KDM6A: variants seen among roughly 807,000 people sequenced by gnomAD.
KDM6A encodes lysine-specific demethylase 6A.
KDM6A carries 11 observed loss-of-function variants against 117.6 expected under a neutral mutation model. The ratio of observed to expected loss-of-function variants is 0.09; its 90% CI spans 0.06 to 0.15. The LOEUF is 0.15. Ranked by LOEUF, KDM6A falls within the 10% of genes least tolerant of loss-of-function variation. KDM6A has a pLI of 1.00. For missense variants in KDM6A, 799 were observed against 1,077.3 expected, an observed-to-expected ratio of 0.74 and a Z score of 3.62; for synonymous variants, 384 against 396.1, an observed-to-expected ratio of 0.97 and a Z score of 0.36.
intron 5 of KDM6A, among the ~76,000 whole-genome samples, chrX:45,016,451 T>TTTTA (rs753985732): frequency 1.1e-4 from 10 of 90,409 alleles, no homozygotes; most frequent in Admixed American, 8.7e-4. Context: ...ATTGATTTTA[T>TTTTA]TTTATGTATG....
At chrX:44,897,103 T>C (rs1443289207) in intron 2 of KDM6A, among the ~76,000 whole-genome samples, 1 of 109,078 alleles carries the variant, frequency 9.2e-6, no homozygotes, top group East Asian at 2.8e-4. Context: ...TCTTAGCTTT[T>C]TCGATTTTTG....
chrX:45,101,966 G>A (rs953347495), intron 27 of KDM6A, among the ~76,000 whole-genome samples: 49 of 111,170 alleles, frequency 4.4e-4, no homozygotes, highest in African/African-American at 1.6e-3. Context: ...AGGCACAGAG[G>A]TGTGCAGCTG....
intron 10 of KDM6A, among the ~76,000 whole-genome samples, chrX:45,056,035 T>G (rs918614620): frequency 9.0e-6 from 1 of 111,319 alleles, no homozygotes; most frequent in Non-Finnish European, 1.9e-5. Context: ...GTTAACTAAT[T>G]TTACATTGTA....
chrX:45,062,776 T>A, intron 16 of KDM6A, 28 bp downstream of exon 16: 3 of 975,727 alleles, frequency 3.1e-6, no homozygotes, highest in Non-Finnish European at 4.4e-6. Context: ...TTCCCTGAAA[T>A]TTGTTAGCAT....
Position 44,985,639 on chromosome X carries a change from A to G in KDM6A, c.384+10924A>G, listed in dbSNP as rs1342735289. 2.7e-5 allele frequency among the ~76,000 whole-genome samples: 3 copies of G among 111,622 alleles called. No individual in the cohort carries two copies. In the East Asian group the frequency reaches 8.4e-4, roughly 31 times the overall value. On this transcript the variant is annotated intron_variant, in intron 4 of 29. Transcript: ENST00000611820. ...CATGAAGTGTTGTTGAATTTTGTCA[A>G]AGGCCTTTTCTGCATCTATTGAGAT...
intron 6 of KDM6A, among the ~76,000 whole-genome samples, chrX:45,032,976 A>G (rs2042661701): frequency 8.9e-6 from 1 of 112,357 alleles, no homozygotes; most frequent in Non-Finnish European, 1.9e-5. Flanking sequence ...TTTGAATTCT[A>G]CATCTCTATT....
chrX:44,951,397 A>C (rs1371136680), intron 2 of KDM6A, among the ~76,000 whole-genome samples: 1 of 111,388 alleles, frequency 9.0e-6, no homozygotes, highest in Non-Finnish European at 1.9e-5. Context: ...CTTAGTCTGA[A>C]CTGGTGTATT....
chrX:45,074,047 TTGTAAAAGA>T lies in KDM6A; in HGVS notation c.2859-2644_2859-2636del, dbSNP rs763579723. Among the ~76,000 whole-genome samples, 78 of 112,317 alleles carry T rather than the reference TTGTAAAAGA, an allele frequency of 6.9e-4. 2 individuals carry two copies. The South Asian group carries it at 0.028, about 40-fold the overall frequency. ...TCTTTAATCCATCTTGAATTAATTT[TTGTAAAAGA>T]TGTAAGGAAGGGATCCCGTTTCAGC... On this transcript the variant is annotated intron_variant, in intron 18 of 29. Coordinates refer to ENST00000611820, the MANE Select transcript of KDM6A (RefSeq NM_001291415.2).
At chrX:44,931,158 G>C (rs781425604) in intron 2 of KDM6A, among the ~76,000 whole-genome samples, 2 of 110,740 alleles carry the variant, frequency 1.8e-5, no homozygotes, top group African/African-American at 6.6e-5. Context: ...TCCGCCTCCC[G>C]GGTTGAAGAG....
intron 2 of KDM6A, among the ~76,000 whole-genome samples, chrX:44,955,191 G>A (rs2038257324): frequency 9.0e-6 from 1 of 111,399 alleles, no homozygotes; most frequent in South Asian, 3.8e-4. Context: ...TGCTTCTCTT[G>A]TGTAAACAGA....
intron 8 of KDM6A, among the ~76,000 whole-genome samples, chrX:45,051,001 T>C (rs779326609): frequency 6.6e-4 from 74 of 111,674 alleles, no homozygotes; most frequent in African/African-American, 2.4e-3. Context: ...TACAGCATTT[T>C]TGACATGTGC....
chrX:45,089,105 T>C (rs1003466201), intron 25 of KDM6A, among the ~76,000 whole-genome samples: 2 of 112,071 alleles, frequency 1.8e-5, no homozygotes, highest in African/African-American at 6.5e-5. Context: ...TTCTAGGTGC[T>C]CCAGGGAGAA....
chrX:44,884,899 T>C (rs1009869234), intron 2 of KDM6A, among the ~76,000 whole-genome samples: 1 of 112,042 alleles, frequency 8.9e-6, no homozygotes, highest in Non-Finnish European at 1.9e-5. Flanking sequence ...ACTGAACATA[T>C]GCAAACTGAA....
At chrX:45,110,303 GT>G (rs1410339855) in intron 29 of KDM6A, 54 bp downstream of exon 29, 1 of 1,045,731 alleles carries the variant, frequency 9.6e-7, no homozygotes, top group African/African-American at 1.8e-5. Context: ...AAGCAGCAGT[GT>G]TTGCTCTGCC....
At chrX:45,053,457 A>G (rs2043945697) in intron 9 of KDM6A, among the ~76,000 whole-genome samples, 1 of 111,930 alleles carries the variant, frequency 8.9e-6, no homozygotes, top group Non-Finnish European at 1.9e-5. Flanking sequence ...CAAAAAACAC[A>G]CATTAATTTA....
chrX:45,090,047 C>G, intron 26 of KDM6A, 117 bp downstream of exon 26: 1 of 540,977 alleles, frequency 1.8e-6, no homozygotes. Context: ...TGACTCCTTG[C>G]ATAGAATTGT....
At chrX:45,089,386 C>T (rs1602983520) in intron 25 of KDM6A, among the ~76,000 whole-genome samples, 1 of 110,069 alleles carries the variant, frequency 9.1e-6, no homozygotes, top group South Asian at 3.9e-4. Context: ...ATTAGCCAGG[C>T]GTGGTGGCAG....
chrX:45,038,125 A>G (rs955074933), intron 8 of KDM6A, among the ~76,000 whole-genome samples: 1 of 111,025 alleles, frequency 9.0e-6, no homozygotes, highest in Non-Finnish European at 1.9e-5. Flanking sequence ...CGGGAGGCTG[A>G]GGCACAAGAA....
At chrX:44,929,563 T>C (rs925018156) in intron 2 of KDM6A, among the ~76,000 whole-genome samples, 9 of 112,020 alleles carry the variant, frequency 8.0e-5, no homozygotes, top group Admixed American at 9.5e-5. Context: ...ATAGGTTGTT[T>C]CCAGTTTTTG....
Sources: gnomAD v4.1 joint callset for allele counts (sites outside exome capture counted in the v4.1 genomes callset) on GRCh38, gnomAD v4.1.1 for gene constraint, MANE v1.5 for transcripts, NCBI Gene and HGNC (gene_info 2026-07-23, HGNC 2026-07-21) for gene names.